Variants in ASB4 observed in about 807,000 individuals in gnomAD.
ASB4 encodes ankyrin repeat and SOCS box containing 4.
A neutral mutation model predicts 38.6 loss-of-function variants in ASB4; 35 were observed. That is an observed-to-expected ratio of 0.91 (90% CI 0.69 to 1.20). ASB4 has a LOEUF of 1.20. Ranked by LOEUF, ASB4 falls within the 50% of genes most tolerant of loss-of-function variation. The pLI is 0.00. For missense variants in ASB4, 557 were observed against 527.2 expected, an observed-to-expected ratio of 1.06 and a Z score of -0.55; for synonymous variants, 195 against 201.3, an observed-to-expected ratio of 0.97 and a Z score of 0.26.
At chr7:95,516,454 T>C (rs888910940) in intron 2 of ASB4, among the ~76,000 whole-genome samples, 1 of 152,174 alleles carries the variant, frequency 6.6e-6, no homozygotes, top group East Asian at 1.9e-4. Context: ...TTCTTTAAGG[T>C]TGAGTAAGTT....
chr7:95,493,672 T>C (rs1446380114), intron 1 of ASB4, among the ~76,000 whole-genome samples: 1 of 152,078 alleles, frequency 6.6e-6, no homozygotes. Context: ...AACAAGTGCA[T>C]TTCTGTCCTG....
At chr7:95,479,001 A>T (rs1223229708) in intron 1 of ASB4, among the ~76,000 whole-genome samples, 2 of 152,152 alleles carry the variant, frequency 1.3e-5, no homozygotes, top group Non-Finnish European at 2.9e-5. Context: ...TGCCACAGGG[A>T]AGACTTTCAA....
chr7:95,510,768 A>G (rs1040741718), intron 2 of ASB4, among the ~76,000 whole-genome samples: 1 of 152,126 alleles, frequency 6.6e-6, no homozygotes, highest in Non-Finnish European at 1.5e-5. Flanking sequence ...ATCAAAAACC[A>G]TATGTGTCTT....
At chr7:95,500,853 T>G (rs1287228742) in intron 2 of ASB4, among the ~76,000 whole-genome samples, 1 of 152,188 alleles carries the variant, frequency 6.6e-6, no homozygotes, top group African/African-American at 2.4e-5. Context: ...TAGTGACCTG[T>G]GACCTCCCTC....
At chr7:95,519,373 T>A (rs1790628986) in intron 2 of ASB4, among the ~76,000 whole-genome samples, 1 of 152,218 alleles carries the variant, frequency 6.6e-6, no homozygotes, top group African/African-American at 2.4e-5. Context: ...TTCTAAATAA[T>A]TCGTGCTGTG....
chr7:95,526,811 T>C (rs987804768), intron 2 of ASB4, among the ~76,000 whole-genome samples: 1 of 152,154 alleles, frequency 6.6e-6, no homozygotes, highest in Non-Finnish European at 1.5e-5. Flanking sequence ...TATAAAAAAT[T>C]CCAGCAGCGC....
chr7:95,491,229 C>T (rs1187678846), intron 1 of ASB4, among the ~76,000 whole-genome samples: 1 of 152,148 alleles, frequency 6.6e-6, no homozygotes, highest in Non-Finnish European at 1.5e-5. Flanking sequence ...GGGTTTTGTA[C>T]ACAGGGGAAA....
At chr7:95,494,554 A>G (rs1056176724) in intron 1 of ASB4, among the ~76,000 whole-genome samples, 18 of 152,148 alleles carry the variant, frequency 1.2e-4, no homozygotes, top group Admixed American at 1.0e-3. Context: ...GTTAAAATTT[A>G]TTTTGTTGTT....
intron 2 of ASB4, among the ~76,000 whole-genome samples, chr7:95,524,240 A>G (rs6959029): frequency 0.46 from 69,667 of 152,092 alleles, 16,446 homozygotes; most frequent in African/African-American, 0.57. Context: ...ATGCCCATCT[A>G]CAGTTGAATG....
At chr7:95,523,398 A>G (rs1790689678) in intron 2 of ASB4, among the ~76,000 whole-genome samples, 1 of 152,242 alleles carries the variant, frequency 6.6e-6, no homozygotes, top group African/African-American at 2.4e-5. Context: ...TCACCTAATA[A>G]AGAGACAATG....
chr7:95,513,253 G>T (rs113316275), intron 2 of ASB4, among the ~76,000 whole-genome samples: 1,069 of 76,856 alleles, frequency 0.014, 23 homozygotes, highest in South Asian at 0.058. Flanking sequence ...TTTTTTGTTT[G>T]TTTTTTTTTT....
At position 95,538,553 on chromosome 7, in the gene ASB4, T is replaced by C. The variant is rs539349874; in HGVS notation, c.*794T>C. On this transcript the variant is annotated 3_prime_UTR_variant, in exon 5 of 5. Transcript: ENST00000325885. ...CACTTTTAATGCTTATCTTTCAAAG[T>C]TGTGTTTCTGACATGAAGTGTGATT... The C allele has an allele frequency of 2.0e-5, 3 of 152,300 alleles. No individual in the cohort carries two copies. The highest frequency in any genetic ancestry group is 4.2e-4 in the South Asian group (2 of 4,818). 9.4% of individuals were successfully genotyped at this position (152,300 alleles called of 1,614,324 possible).
chr7:95,498,810 G>C (rs1396163923), intron 2 of ASB4, among the ~76,000 whole-genome samples: 1 of 152,146 alleles, frequency 6.6e-6, no homozygotes, highest in East Asian at 1.9e-4. Context: ...TTCATTTTGA[G>C]TTAATTTTTT....
Position 95,493,961 on chromosome 7 carries a change from T to C in ASB4, c.188-1797T>C, listed in dbSNP as rs546859498. On this transcript the variant is annotated intron_variant, in intron 1 of 4. Coordinates refer to ENST00000325885, the MANE Select transcript of ASB4 (RefSeq NM_016116.3). ...GGAGGTTGTTTAACCATTCGAACAATGCTGTAGTGTAGTGCATGTTCTTGT... is the reference window on the plus strand; with the variant it reads ...GGAGGTTGTTTAACCATTCGAACAACGCTGTAGTGTAGTGCATGTTCTTGT... Among the ~76,000 whole-genome samples, 12 of 152,318 alleles carry C rather than the reference T, an allele frequency of 7.9e-5. No homozygotes were observed. In the South Asian group the frequency reaches 2.5e-3, roughly 32 times the overall value.
At chr7:95,477,692 C>T (rs1348760782), upstream of ASB4, among the ~76,000 whole-genome samples, 3 of 149,128 alleles carry the variant, frequency 2.0e-5, no homozygotes, top group African/African-American at 7.4e-5. Flanking sequence ...GGCCTCAGTA[C>T]TTTTTTTCTT....
At chr7:95,544,041 A>C (rs1380601824), downstream of ASB4, 1 of 152,124 alleles carries the variant, frequency 6.6e-6, no homozygotes, top group Non-Finnish European at 1.5e-5. Flanking sequence ...GATCTGAAAA[A>C]ATATGTAAAA....
intron 2 of ASB4, among the ~76,000 whole-genome samples, chr7:95,525,720 C>T (rs1790727618): frequency 6.6e-6 from 1 of 152,156 alleles, no homozygotes; most frequent in Admixed American, 6.5e-5. Context: ...TCATTCGTTC[C>T]ATTTCACTCC....
upstream of ASB4, among the ~76,000 whole-genome samples, chr7:95,482,076 T>C (rs1277455136): frequency 6.6e-6 from 1 of 152,220 alleles, no homozygotes; most frequent in Non-Finnish European, 1.5e-5. Context: ...AGGACTTTGA[T>C]GGGCAATTTA....
chr7:95,529,399 T>A (rs1186017869), intron 3 of ASB4, among the ~76,000 whole-genome samples: 1 of 152,224 alleles, frequency 6.6e-6, no homozygotes, highest in Non-Finnish European at 1.5e-5. Flanking sequence ...ACAGCTTAAG[T>A]TCTACGTCTT....
Sources: allele counts gnomAD v4.1 joint callset (sites outside exome capture counted in the v4.1 genomes callset), GRCh38; gene constraint gnomAD v4.1.1; transcripts MANE v1.5; gene names NCBI Gene and HGNC (gene_info 2026-07-23, HGNC 2026-07-21).